UBXN7: variants seen among roughly 807,000 people sequenced by gnomAD.
UBXN7 encodes the protein UBX domain protein 7, also known as UBX domain-containing protein 7.
In UBXN7, 9 loss-of-function variants were observed where a neutral mutation model predicts 58.0. The ratio of observed to expected loss-of-function variants is 0.16; its 90% confidence interval spans 0.09 to 0.27. The LOEUF is 0.27. UBXN7 is among the 10% of genes least tolerant of loss of function. UBXN7 has a pLI of 1.00. For synonymous variants in UBXN7, 208 were observed against 205.0 expected (o/e 1.01, Z -0.12); for missense variants, 328 against 599.6 (o/e 0.55, Z 4.73).
intron 5 of UBXN7, among the ~76,000 whole-genome samples, chr3:196,376,852 C>T (rs1729043836): frequency 2.0e-5 from 3 of 151,766 alleles, no homozygotes; most frequent in Non-Finnish European, 4.4e-5. Context: ...TCAAGACCAA[C>T]CTGGGCAACG....
At chr3:196,390,279 G>A (rs1729537493) in intron 5 of UBXN7, among the ~76,000 whole-genome samples, 1 of 151,944 alleles carries the variant, frequency 6.6e-6, no homozygotes, top group Admixed American at 6.6e-5. Flanking sequence ...AGGCTGGAGT[G>A]CAGTGGTTTT....
intron 5 of UBXN7, among the ~76,000 whole-genome samples, 160 bp from the exon 6 acceptor site, chr3:196,372,202 T>G (rs1203763968): frequency 6.6e-6 from 1 of 152,210 alleles, no homozygotes; most frequent in African/African-American, 2.4e-5. Flanking sequence ...TATATTTACT[T>G]CGCATATGCA....
rs995366444 is a variant in UBXN7 at position 196,417,220 on chromosome 3, G to A, written c.74-9827C>T. Among the ~76,000 whole-genome samples, 6 of 152,294 alleles carry A rather than the reference G, an allele frequency of 3.9e-5. No homozygotes were observed. In the South Asian group the frequency reaches 8.3e-4, roughly 21 times the overall value. ...CCCAGCTGCTGGGGAGGCTGAGGCA[G>A]GAGAATGGCGTGAACCCGGCAGCGG... On this transcript the variant is annotated intron_variant, in intron 1 of 10. Coordinates refer to ENST00000296328, the MANE Select transcript of UBXN7 (RefSeq NM_015562.2).
At chr3:196,358,852 G>A (rs1256218886) in intron 10 of UBXN7, among the ~76,000 whole-genome samples, 4 of 150,840 alleles carry the variant, frequency 2.7e-5, no homozygotes, top group African/African-American at 9.8e-5. Context: ...ACAGAGACAG[G>A]GTCTCGCTTT....
chr3:196,375,007 G>A (rs1728965975), intron 5 of UBXN7, among the ~76,000 whole-genome samples: 1 of 108,214 alleles, frequency 9.2e-6, no homozygotes, highest in Non-Finnish European at 2.0e-5. Flanking sequence ...AGGGAGGGAG[G>A]AAGGAAGGAA....
intron 3 of UBXN7, among the ~76,000 whole-genome samples, chr3:196,401,823 G>GAGAGGAGAGAAGAGAAGAGA (rs1730000130): frequency 8.3e-6 from 1 of 120,314 alleles, no homozygotes; most frequent in African/African-American, 3.1e-5. Flanking sequence ...GAAAAGAGAA[G>GAGAGGAGAGAAGAGAAGAGA]AGAGAAGAGA....
At position 196,372,038 on chromosome 3, in the gene UBXN7, T is replaced by C. The variant is rs1258673489; in HGVS notation, c.473A>G (p.Lys158Arg). ...CTTATTTTGCATCTGGCCACACTCT[T>C]TGGCCTGCAAGAGTAAAGTTACACA... ...LMHKGSFETA[K>R]ECGQMQNKWL... The change falls in exon 6 of 11, where the codon AAA becomes AGA. Residue 158 changes from lysine (K) to arginine (R), a missense_variant. Around this residue, in one of 4 missense-constraint regions of UBXN7, gnomAD observed 126 missense variants for 302.6 expected, o/e 0.42. Coordinates refer to ENST00000296328, the MANE Select transcript of UBXN7 (RefSeq NM_015562.2). 6.2e-7 allele frequency: 1 copy of C among 1,600,070 alleles called. No homozygotes were observed. The highest frequency in any genetic ancestry group is 8.5e-7 in the Non-Finnish European group (1 of 1,174,562).
At chr3:196,415,474 C>T (rs1309417252) in intron 1 of UBXN7, among the ~76,000 whole-genome samples, 2 of 145,086 alleles carry the variant, frequency 1.4e-5, no homozygotes, top group African/African-American at 5.0e-5. Flanking sequence ...TTCTTGAATG[C>T]TGGACTATAC....
rs141933085 is a variant in UBXN7, at chr3:196,379,473, C to T, written c.469-7431G>A. Among the ~76,000 whole-genome samples the T allele has an allele frequency of 1.3e-4, 20 of 152,258 alleles. No individual in the cohort carries two copies. In the East Asian group the frequency reaches 3.7e-3, roughly 28 times the overall value. ...AAATGGAGTTGCTCTGTTTTAAATG[C>T]TTCTGACATTTCCTCCCTCCCTTTT... On this transcript the variant is annotated intron_variant, in intron 5 of 10. Coordinates refer to ENST00000296328, the MANE Select transcript of UBXN7 (RefSeq NM_015562.2).
intron 2 of UBXN7, among the ~76,000 whole-genome samples, chr3:196,403,526 G>C (rs1432742364): frequency 6.6e-6 from 1 of 152,062 alleles, no homozygotes; most frequent in East Asian, 1.9e-4. Flanking sequence ...GGCATATATA[G>C]CTCAAATGGT....
chr3:196,373,639 TTC>T (rs1156329625), intron 5 of UBXN7, among the ~76,000 whole-genome samples: 2 of 152,200 alleles, frequency 1.3e-5, no homozygotes, highest in African/African-American at 2.4e-5. Flanking sequence ...TGAGAATATC[TTC>T]TGTTTTAAGA....
In UBXN7 at chr3:196,356,852, A is replaced by G. The variant is rs1235685091; in HGVS notation, c.1309-6T>C. ...TGCACGTGCTTCACCAAAGCCTATA[A>G]AAACAAGAGAAAGACAAAGCCATTA... On this transcript the variant is annotated splice_region_variant and splice_polypyrimidine_tract_variant and intron_variant, in intron 10 of 10. Transcript: ENST00000296328. 1 of 1,599,092 alleles carries G rather than the reference A, an allele frequency of 6.3e-7. No individual in the cohort carries two copies. The highest frequency in any genetic ancestry group is 1.4e-5 in the African/African-American group (1 of 73,842).
At chr3:196,397,780 G>A (rs1486196024) in intron 3 of UBXN7, 2 of 152,186 alleles carry the variant, frequency 1.3e-5, no homozygotes, top group African/African-American at 4.8e-5. Flanking sequence ...ATACCCAGCA[G>A]GGAGGAGTGT....
intron 8 of UBXN7, among the ~76,000 whole-genome samples, chr3:196,363,869 C>T (rs1274486078): frequency 6.6e-6 from 1 of 151,528 alleles, no homozygotes; most frequent in Non-Finnish European, 1.5e-5. Flanking sequence ...GCAGAAGTTG[C>T]CAGAGATTGC....
At position 196,355,774 on chromosome 3, in the gene UBXN7, T is replaced by C. The variant is rs375455191; in HGVS notation, c.*911A>G. Reference sequence around the variant, plus strand: ...CCATAGTGGTTACAATTCCAAGCCATTGTACTACATGATTATTGACCAGCT... The same window carrying C: ...CCATAGTGGTTACAATTCCAAGCCACTGTACTACATGATTATTGACCAGCT... On this transcript the variant is annotated 3_prime_UTR_variant, in exon 11 of 11. Coordinates refer to ENST00000296328, the MANE Select transcript of UBXN7 (RefSeq NM_015562.2). 1.3e-4 allele frequency: 20 copies of C among 152,192 alleles called. No homozygotes were observed. Among genetic ancestry groups the C allele is most frequent in the African/African-American group, 3.6e-4 (15 of 41,434 alleles). 9.4% of individuals were successfully genotyped at this position (152,192 alleles called of 1,614,324 possible).
intron 1 of UBXN7, among the ~76,000 whole-genome samples, chr3:196,411,727 C>T (rs540744880): frequency 5.8e-4 from 88 of 152,154 alleles, no homozygotes; most frequent in African/African-American, 2.0e-3. Flanking sequence ...AGGAGAATCG[C>T]TTAACCTGGG....
Position 196,362,201 on chromosome 3 carries a change from C to T in UBXN7, c.1228+93G>A, listed in dbSNP as rs900302282. ...TAGAGACAGGGTTTTGCCATGTTGG[C>T]GAGGCTGGTCTTGGAACTCCTAACC... On this transcript the variant is annotated intron_variant, in intron 9 of 10. Coordinates refer to ENST00000296328, the MANE Select transcript of UBXN7 (RefSeq NM_015562.2). 17 of 1,460,456 alleles carry T rather than the reference C, an allele frequency of 1.2e-5. No homozygotes were observed. The Admixed American group carries it at 1.6e-4, about 14-fold the overall frequency. 90.5% of individuals were successfully genotyped at this position (1,460,456 alleles called of 1,614,324 possible). A position where few individuals can be genotyped will look rare whatever the true frequency, so the allele number is the denominator to read the frequency against.
rs1464626779 is a variant in UBXN7, at chr3:196,362,301, A to T, written c.1221T>A (p.Asp407Glu). ...TGTCTAAATGTAACTTACCATTTAC[A>T]TCTATCCCCTCCACTACTCCATCTG... The part of the protein sequence containing the change: ...EKADGVVEGI[D>E]VNGPKAQLML... The change falls in exon 9 of 11, where the codon GAT becomes GAA. Residue 407 changes from aspartate to glutamate, a missense_variant. Coordinates refer to ENST00000296328, the MANE Select transcript of UBXN7 (RefSeq NM_015562.2). 3 of 1,601,166 alleles carry T rather than the reference A, an allele frequency of 1.9e-6. No individual in the cohort carries two copies. In the East Asian group the frequency reaches 6.7e-5, roughly 36 times the overall value.
At chr3:196,379,768 G>A (rs551732630) in intron 5 of UBXN7, among the ~76,000 whole-genome samples, 10 of 152,122 alleles carry the variant, frequency 6.6e-5, no homozygotes, top group South Asian at 2.1e-4. Context: ...TCTGTGATTC[G>A]CCAGAAAGAT....
Sources: gnomAD v4.1 joint callset for allele counts (sites outside exome capture counted in the v4.1 genomes callset) on GRCh38, gnomAD v4.1.1 for gene constraint, gnomAD v4.1.1 regional missense constraint, MANE v1.5 for transcripts, NCBI Gene and HGNC (gene_info 2026-07-23, HGNC 2026-07-21) for gene names.